Variants in NREP observed in about 807,000 individuals in gnomAD.
NREP encodes the protein neuronal regeneration-related protein.
NREP carries 5 observed loss-of-function variants against 8.6 expected under a neutral mutation model. The observed-to-expected ratio is 0.58, with a 90% CI of 0.30 to 1.22. The LOEUF is 1.22. NREP is among the 50% of genes most tolerant of loss of function. The pLI is 0.07. For synonymous variants in NREP, 27 were observed against 28.0 expected, an observed-to-expected ratio of 0.96 and a Z score of 0.11; for missense variants, 86 against 82.5, an observed-to-expected ratio of 1.04 and a Z score of -0.17.
At chr5:111,846,015 C>A (rs1409423514) in intron 2 of NREP, 1 of 154,728 alleles carries the variant, frequency 6.5e-6, no homozygotes, top group African/African-American at 2.4e-5. Context: ...AAGCTGCTAC[C>A]CAAGACAGTC....
At chr5:111,831,960 C>T (rs768855802) in intron 2 of NREP, among the ~76,000 whole-genome samples, 9 of 152,120 alleles carry the variant, frequency 5.9e-5, no homozygotes, top group African/African-American at 9.7e-5. Context: ...GAGTGGCCCA[C>T]GTAGGCCAAG....
intron 2 of NREP, among the ~76,000 whole-genome samples, chr5:111,800,531 T>C (rs1191266537): frequency 6.6e-6 from 1 of 152,224 alleles, no homozygotes. Context: ...AGCGCATGTG[T>C]GGCATGCCAT....
At chr5:111,819,039 T>C (rs547820122) in intron 2 of NREP, among the ~76,000 whole-genome samples, 116 of 152,332 alleles carry the variant, frequency 7.6e-4, no homozygotes, top group Non-Finnish European at 1.5e-3. Flanking sequence ...AGTATGTCAG[T>C]ATGTTCAGCT....
chr5:111,765,030 A>G (rs1751047828), intron 2 of NREP, among the ~76,000 whole-genome samples: 1 of 152,222 alleles, frequency 6.6e-6, no homozygotes, highest in South Asian at 2.1e-4. Context: ...GCTCTAGTTA[A>G]TAACACTGAT....
rs546722664 is a variant in NREP at position 111,848,128 on chromosome 5, G to C, written c.136-112621C>G. Among the ~76,000 whole-genome samples, 60 of 152,278 alleles carry C rather than the reference G, an allele frequency of 3.9e-4. 1 individual carries two copies. In the Middle Eastern group the frequency reaches 0.01, roughly 26 times the overall value. ...CTAAGCTAATACATGTCTGATTTAT[G>C]GTCTTGGGTATCAATTTGGTATTGT... On this transcript the variant is annotated intron_variant, in intron 2 of 3. Transcript: ENST00000395634.
At chr5:111,801,700 G>C (rs1024148515) in intron 2 of NREP, among the ~76,000 whole-genome samples, 4 of 152,158 alleles carry the variant, frequency 2.6e-5, no homozygotes, top group African/African-American at 9.7e-5. Context: ...TCCACTTACA[G>C]GTTAAATATG....
At chr5:111,975,157 CG>C in intron 2 of NREP, 1 of 691,256 alleles carries the variant, frequency 1.4e-6, no homozygotes. Context: ...AAGGCTTTCA[CG>C]GGGCAATGGT....
chr5:111,900,435 T>C (rs1486423297), intron 2 of NREP, among the ~76,000 whole-genome samples: 1 of 151,668 alleles, frequency 6.6e-6, no homozygotes, highest in Non-Finnish European at 1.5e-5. Context: ...GGCCTGAATG[T>C]AATAGAGGCT....
intron 2 of NREP, among the ~76,000 whole-genome samples, chr5:111,746,947 A>G (rs760572915): frequency 3.3e-5 from 5 of 152,158 alleles, no homozygotes; most frequent in Non-Finnish European, 7.3e-5. Flanking sequence ...TGCAGAAGGC[A>G]CTAGGTTAAG....
chr5:111,755,732 AG>A, intron 2 of NREP, 37 bp downstream of exon 2: 1 of 1,608,974 alleles, frequency 6.2e-7, no homozygotes, highest in Non-Finnish European at 8.5e-7. Flanking sequence ...CAGACTGGTA[AG>A]AAGTACTGAG....
At chr5:111,771,203 G>A in intron 2 of NREP, among the ~76,000 whole-genome samples, 1 of 152,270 alleles carries the variant, frequency 6.6e-6, no homozygotes, top group East Asian at 1.9e-4. Context: ...AATAAAAGGA[G>A]CAGCTATTGA....
At chr5:111,837,108 T>A (rs1387811857) in intron 2 of NREP, among the ~76,000 whole-genome samples, 1 of 152,104 alleles carries the variant, frequency 6.6e-6, no homozygotes, top group Non-Finnish European at 1.5e-5. Context: ...AATAAAATTT[T>A]TTTTGGCTTC....
chr5:111,858,749 C>G (rs1753480802), intron 2 of NREP, among the ~76,000 whole-genome samples: 3 of 151,946 alleles, frequency 2.0e-5, no homozygotes, highest in Non-Finnish European at 4.4e-5. Context: ...ATATCTTACC[C>G]CAAATCAAAG....
At chr5:111,834,340 C>G (rs1173210260) in intron 2 of NREP, among the ~76,000 whole-genome samples, 1 of 152,190 alleles carries the variant, frequency 6.6e-6, no homozygotes, top group Non-Finnish European at 1.5e-5. Flanking sequence ...CCATGGCTCT[C>G]TTTAGTTCTG....
At chr5:111,853,189 A>C (rs1581166474) in intron 2 of NREP, among the ~76,000 whole-genome samples, 1 of 152,120 alleles carries the variant, frequency 6.6e-6, no homozygotes, top group South Asian at 2.1e-4. Flanking sequence ...GGAAAGGCAA[A>C]ACTATATAGA....
chr5:111,817,569 G>T (rs1190561190), intron 2 of NREP, among the ~76,000 whole-genome samples: 1 of 152,014 alleles, frequency 6.6e-6, no homozygotes, highest in Non-Finnish European at 1.5e-5. Flanking sequence ...ACTTTGGGAG[G>T]CCAAGGTGGG....
intron 2 of NREP, among the ~76,000 whole-genome samples, chr5:111,921,895 C>T (rs1755250269): frequency 6.6e-6 from 1 of 152,090 alleles, no homozygotes. Flanking sequence ...GGGGTTTCCA[C>T]TTTTGCTTCT....
At chr5:111,787,098 G>A (rs1337649342) in intron 2 of NREP, among the ~76,000 whole-genome samples, 1 of 152,080 alleles carries the variant, frequency 6.6e-6, no homozygotes, top group African/African-American at 2.4e-5. Context: ...CTTAACTTAG[G>A]AAATGTCTCT....
intron 2 of NREP, among the ~76,000 whole-genome samples, chr5:111,887,477 C>T (rs1754289787): frequency 6.6e-6 from 1 of 152,186 alleles, no homozygotes; most frequent in Admixed American, 6.5e-5. Context: ...CCATGACTCT[C>T]AGTGAGATAC....
Sources: gnomAD v4.1 joint callset for allele counts (sites outside exome capture counted in the v4.1 genomes callset) on GRCh38, gnomAD v4.1.1 for gene constraint, MANE v1.5 for transcripts, NCBI Gene and HGNC (gene_info 2026-07-23, HGNC 2026-07-21) for gene names.